TBC1D31: variants seen among roughly 807,000 people sequenced by gnomAD.
The protein encoded by TBC1D31 is TBC1 domain family member 31.
In TBC1D31, 99 loss-of-function variants were observed where a neutral mutation model predicts 132.9. The ratio of observed to expected loss-of-function variants is 0.74; its 90% CI spans 0.63 to 0.88. The LOEUF is 0.88. Ranked by LOEUF, TBC1D31 falls within the 40% of genes least tolerant of loss-of-function variation. The pLI, the probability that TBC1D31 is intolerant of heterozygous loss-of-function variation, is 0.00. For synonymous variants in TBC1D31, 385 were observed against 419.4 expected (o/e 0.92, Z 1.00); for missense variants, 1,134 against 1,256.6 (o/e 0.90, Z 1.48).
downstream of TBC1D31, among the ~76,000 whole-genome samples, chr8:123,157,112 C>T (rs1261793695): frequency 6.6e-6 from 1 of 152,232 alleles, no homozygotes; most frequent in Non-Finnish European, 1.5e-5. Flanking sequence ...TCAGGTTCAC[C>T]TGGTCCCAGG....
chr8:123,130,233 A>G lies in TBC1D31; in HGVS notation c.2306A>G (p.Glu769Gly). 1 of 1,612,988 alleles carries G rather than the reference A, an allele frequency of 6.2e-7. No individual in the cohort carries two copies. The highest frequency in any genetic ancestry group is 8.5e-7 in the Non-Finnish European group (1 of 1,179,442). Residue 769 changes from glutamate (E) to glycine (G), a missense_variant, in exon 16 of 22, where the codon GAA (glutamate) becomes GGA (glycine). Transcript: ENST00000287380. ...AAVKRELKVK[E>G]MHLQDAARRR... ...GTGAAAAGAGAGCTGAAAGTAAAGG[A>G]AATGCACTTACAAGATGCTGCAAGA...
chr8:123,092,550 A>G (rs1436830795), intron 4 of TBC1D31, among the ~76,000 whole-genome samples: 2 of 152,184 alleles, frequency 1.3e-5, no homozygotes, highest in Non-Finnish European at 2.9e-5. Context: ...AAGTATAGGG[A>G]AAAGACACTG....
chr8:123,132,121 C>T (rs747191063), intron 16 of TBC1D31, among the ~76,000 whole-genome samples: 3 of 152,168 alleles, frequency 2.0e-5, no homozygotes, highest in South Asian at 4.1e-4. Context: ...TCTCCTTCCT[C>T]GCTTTTTCTA....
rs35198781 is a variant in TBC1D31, at chr8:123,127,261, ATTTTTTTTT to A, written c.1884+592_1884+600del. On this transcript the variant is annotated intron_variant, in intron 13 of 21. Transcript: ENST00000287380. The stretch of plus-strand genomic sequence containing the variant: ...TAATATTGGGGTTTGTGCTTTTTGC[ATTTTTTTTT>A]TTTTTTTTTTTTTTTTTGGAGACAG... Among the ~76,000 whole-genome samples the A allele has an allele frequency of 1.4e-4, 10 of 69,916 alleles. No homozygotes were observed. The South Asian group carries it at 5.1e-3, about 36-fold the overall frequency. 45.9% of individuals were successfully genotyped at this position (69,916 alleles called of 152,430 possible). A position where few individuals can be genotyped will look rare whatever the true frequency, so the allele number is the denominator to read the frequency against.
intron 10 of TBC1D31, among the ~76,000 whole-genome samples, chr8:123,110,026 A>G (rs939337062): frequency 6.6e-6 from 1 of 152,180 alleles, no homozygotes; most frequent in African/African-American, 2.4e-5. Flanking sequence ...CCCTGGAGGC[A>G]GAGGTTGCAG....
chr8:123,143,918 CT>C (rs1483411979), intron 19 of TBC1D31, among the ~76,000 whole-genome samples: 2 of 152,178 alleles, frequency 1.3e-5, no homozygotes, highest in African/African-American at 4.8e-5. Flanking sequence ...CCTTCACGTT[CT>C]GCAGAAATCC....
rs568240345 is a variant in TBC1D31 at position 123,092,399 on chromosome 8, A to G, written c.520-1192A>G. 4.6e-5 allele frequency among the ~76,000 whole-genome samples: 7 copies of G among 152,296 alleles called. No homozygotes were observed. In the South Asian group the frequency reaches 1.4e-3, roughly 32 times the overall value. On this transcript the variant is annotated intron_variant, in intron 4 of 21. Coordinates refer to ENST00000287380, the MANE Select transcript of TBC1D31 (RefSeq NM_145647.4). ...GACACATATCATATAACATCTTTAA[A>G]TAATTTTTACTCCCAGCGGCAGTGT...
rs1224859474 is a variant in TBC1D31, at chr8:123,105,287, G to A, written c.1033-1G>A. ...ATATATATATTTATTTTTCCATTTA[G>A]CCACCTCCGCCTTTAGTGAAAGTTA... On this transcript the variant is annotated splice_acceptor_variant, in intron 7 of 21. Coordinates refer to ENST00000287380, the MANE Select transcript of TBC1D31 (RefSeq NM_145647.4). LOFTEE classifies it high-confidence loss of function. 2 of 1,523,464 alleles carry A rather than the reference G, an allele frequency of 1.3e-6. No individual in the cohort carries two copies. The highest frequency in any genetic ancestry group is 2.2e-5 in the Admixed American group (1 of 46,414). 94.4% of individuals were successfully genotyped at this position (1,523,464 alleles called of 1,614,324 possible).
At chr8:123,079,723 ACT>A in intron 2 of TBC1D31, among the ~76,000 whole-genome samples, 1 of 152,108 alleles carries the variant, frequency 6.6e-6, no homozygotes, top group South Asian at 2.1e-4. Context: ...CTTGCATTGG[ACT>A]CTACTGTTAT....
At chr8:123,117,550 C>G (rs945886858) in intron 10 of TBC1D31, among the ~76,000 whole-genome samples, 1 of 151,084 alleles carries the variant, frequency 6.6e-6, no homozygotes. Context: ...GTCAGGAGAT[C>G]GAGACCATCC....
chr8:123,111,931 G>A (rs986891730), intron 10 of TBC1D31, among the ~76,000 whole-genome samples: 6 of 152,122 alleles, frequency 3.9e-5, no homozygotes, highest in African/African-American at 1.4e-4. Context: ...ATAGCTAACT[G>A]TAACCTCGAA....
At chr8:123,139,895 A>T (rs1003146702) in intron 17 of TBC1D31, among the ~76,000 whole-genome samples, 2 of 152,182 alleles carry the variant, frequency 1.3e-5, no homozygotes, top group Non-Finnish European at 2.9e-5. Flanking sequence ...GCTATTCTGC[A>T]CTAGGTGAGC....
chr8:123,157,786 C>T, the TBC1D31 span, among the ~76,000 whole-genome samples: 4 of 152,092 alleles, frequency 2.6e-5, no homozygotes, highest in Non-Finnish European at 5.9e-5. Flanking sequence ...CCCGCCAGTC[C>T]CCGGACTCCT....
chr8:123,129,650 A>G (rs1359859762), intron 15 of TBC1D31, among the ~76,000 whole-genome samples: 1 of 152,194 alleles, frequency 6.6e-6, no homozygotes, highest in East Asian at 1.9e-4. Context: ...TTTGGAGGAC[A>G]GGGGAATGAG....
chr8:123,160,465 AAGAG>A, the TBC1D31 span, among the ~76,000 whole-genome samples: 2 of 150,888 alleles, frequency 1.3e-5, no homozygotes, highest in South Asian at 4.2e-4. Flanking sequence ...GAGAAGGAGA[AAGAG>A]AGAGAGAAAG....
chr8:123,158,775 G>A, the TBC1D31 span, among the ~76,000 whole-genome samples: 2 of 152,084 alleles, frequency 1.3e-5, no homozygotes, highest in Admixed American at 6.5e-5. Context: ...GAGTGGATGG[G>A]GGTGGGGCCT....
intron 1 of TBC1D31, chr8:123,073,219 C>T (rs1814093435): frequency 2.1e-6 from 1 of 472,798 alleles, no homozygotes. Flanking sequence ...GAGCAGAACT[C>T]CAGGAGGAGA....
chr8:123,140,165 G>C (rs955212704), intron 17 of TBC1D31, among the ~76,000 whole-genome samples: 1 of 152,200 alleles, frequency 6.6e-6, no homozygotes, highest in Non-Finnish European at 1.5e-5. Context: ...TTCAAGACCA[G>C]CCTAGCCAAC....
chr8:123,073,450 G>A (rs1814133837), intron 1 of TBC1D31: 1 of 454,966 alleles, frequency 2.2e-6, no homozygotes, highest in Admixed American at 2.4e-5. Context: ...GGGCTGGGGC[G>A]TTCATTATGC....
Sources: gnomAD v4.1 joint callset for allele counts (sites outside exome capture counted in the v4.1 genomes callset) on GRCh38, gnomAD v4.1.1 for gene constraint, MANE v1.5 for transcripts, NCBI Gene and HGNC (gene_info 2026-07-23, HGNC 2026-07-21) for gene names.